CDC14B: variants seen among roughly 807,000 people sequenced by gnomAD.
CDC14B encodes dual specificity protein phosphatase CDC14B.
CDC14B carries 22 observed loss-of-function variants against 64.2 expected under a neutral mutation model. That is an observed-to-expected ratio of 0.34 (90% CI 0.24 to 0.49). The LOEUF is 0.49. CDC14B is among the 20% of genes least tolerant of loss of function. The pLI, the probability that CDC14B is intolerant of heterozygous loss-of-function variation, is 0.99. For missense variants in CDC14B, 498 were observed against 629.9 expected (o/e 0.79, Z 2.24); for synonymous variants, 191 against 215.8 (o/e 0.89, Z 1.01).
intron 1 of CDC14B, among the ~76,000 whole-genome samples, chr9:96,616,064 G>A (rs753076595): frequency 5.3e-5 from 8 of 152,172 alleles, no homozygotes; most frequent in African/African-American, 1.2e-4. Flanking sequence ...GGTGGCTCAC[G>A]CCTGTAACCC....
chr9:96,509,291 C>G (rs768845207), intron 13 of CDC14B, among the ~76,000 whole-genome samples: 1 of 152,206 alleles, frequency 6.6e-6, no homozygotes, highest in Non-Finnish European at 1.5e-5. Flanking sequence ...TTCAAACTCT[C>G]TGGTTATCTC....
chr9:96,562,938 T>C (rs1330164129), intron 3 of CDC14B, among the ~76,000 whole-genome samples, 153 bp from the exon 4 acceptor site: 1 of 152,124 alleles, frequency 6.6e-6, no homozygotes, highest in Non-Finnish European at 1.5e-5. Flanking sequence ...ACAAATACCA[T>C]ATATCTTCCC....
At chr9:96,498,620 C>G (rs1203026093), downstream of CDC14B, among the ~76,000 whole-genome samples, 1 of 152,218 alleles carries the variant, frequency 6.6e-6, no homozygotes, top group Admixed American at 6.5e-5. Context: ...CCAAAAATAT[C>G]AGAAACTGAG....
rs16911252 is a variant in CDC14B, at chr9:96,552,606, A to G, written c.421-734T>C. Among the ~76,000 whole-genome samples, 103 of 152,004 alleles carry G rather than the reference A, an allele frequency of 6.8e-4. No homozygotes were observed. The East Asian group carries it at 0.019, about 28-fold the overall frequency. ...AACGTTCTCATGTCTTCTCACTTCTAGTGTTACAGAAGTATTTTACTGATC... is the reference window on the plus strand; with the variant it reads ...AACGTTCTCATGTCTTCTCACTTCTGGTGTTACAGAAGTATTTTACTGATC... On this transcript the variant is annotated intron_variant, in intron 4 of 13. Coordinates refer to ENST00000375241, the MANE Select transcript of CDC14B (RefSeq NM_033331.4).
chr9:96,589,102 G>A (rs552661415), intron 1 of CDC14B, among the ~76,000 whole-genome samples: 16 of 152,182 alleles, frequency 1.1e-4, no homozygotes, highest in African/African-American at 3.6e-4. Context: ...TTGGGAGGCC[G>A]AGGCAGGTAG....
chr9:96,606,332 CAAA>C (rs772460843), intron 1 of CDC14B, among the ~76,000 whole-genome samples: 1 of 21,054 alleles, frequency 4.7e-5, no homozygotes. Flanking sequence ...GACTCCATCT[CAAA>C]AAAAAAAAAA....
At chr9:96,545,978 G>C (rs1441425612) in intron 5 of CDC14B, among the ~76,000 whole-genome samples, 1 of 152,156 alleles carries the variant, frequency 6.6e-6, no homozygotes, top group East Asian at 1.9e-4. Context: ...ATAAGCCTTG[G>C]GCAGTGGGGA....
At chr9:96,519,445 G>A (rs965771058) in intron 12 of CDC14B, among the ~76,000 whole-genome samples, 1 of 151,974 alleles carries the variant, frequency 6.6e-6, no homozygotes, top group Non-Finnish European at 1.5e-5. Context: ...ATTTATAAAA[G>A]AGAAACCGGC....
chr9:96,518,133 G>T (rs924745738), intron 12 of CDC14B, among the ~76,000 whole-genome samples: 1 of 152,202 alleles, frequency 6.6e-6, no homozygotes, highest in Non-Finnish European at 1.5e-5. Flanking sequence ...AGCATCTGCT[G>T]TGTGCAGAGT....
At chr9:96,591,537 C>G (rs1292959339) in intron 1 of CDC14B, among the ~76,000 whole-genome samples, 2 of 151,832 alleles carry the variant, frequency 1.3e-5, no homozygotes, top group Non-Finnish European at 2.9e-5. Flanking sequence ...TTTCTTTCCC[C>G]TTTTCAAGCT....
intron 1 of CDC14B, chr9:96,566,997 C>A: frequency 7.0e-7 from 1 of 1,422,070 alleles, no homozygotes; most frequent in Non-Finnish European, 9.2e-7. Flanking sequence ...CCCCGGAAGT[C>A]CCCAAGTCCT....
intron 1 of CDC14B, among the ~76,000 whole-genome samples, chr9:96,590,464 T>C (rs1845716380): frequency 6.6e-6 from 1 of 152,212 alleles, no homozygotes; most frequent in African/African-American, 2.4e-5. Context: ...AGTGTAAAAG[T>C]ACCACTGGGC....
chr9:96,557,536 T>C (rs765376823), intron 4 of CDC14B, among the ~76,000 whole-genome samples: 1 of 152,248 alleles, frequency 6.6e-6, no homozygotes, highest in Non-Finnish European at 1.5e-5. Flanking sequence ...ATTTAAAAAG[T>C]GGGACCACAG....
chr9:96,543,202 G>A (rs1257074624), intron 5 of CDC14B, among the ~76,000 whole-genome samples: 2 of 152,074 alleles, frequency 1.3e-5, no homozygotes, highest in Admixed American at 6.6e-5. Context: ...CGGGCGTGGT[G>A]GGGGGCACCT....
chr9:96,563,302 T>C (rs1478426168), intron 3 of CDC14B, among the ~76,000 whole-genome samples: 1 of 152,148 alleles, frequency 6.6e-6, no homozygotes, highest in Non-Finnish European at 1.5e-5. Context: ...TATATTCCAT[T>C]AGTGAAAGTT....
At chr9:96,553,720 AT>A (rs957941972) in intron 4 of CDC14B, among the ~76,000 whole-genome samples, 8 of 152,180 alleles carry the variant, frequency 5.3e-5, no homozygotes, top group Admixed American at 5.2e-4. Context: ...ATTTAAAAAA[AT>A]CAGCCTGTTT....
At position 96,493,562 on chromosome 9, in the gene CDC14B, A is replaced by G. The variant is rs16910940; in HGVS notation, c.*81-310T>C. Among the ~76,000 whole-genome samples, 664 of 152,368 alleles carry G rather than the reference A, an allele frequency of 4.4e-3. 7 individuals are homozygous for G. Among genetic ancestry groups the G allele is most frequent in the African/African-American group, 0.015 (641 of 41,586 alleles). On this transcript the variant is annotated intron_variant and NMD_transcript_variant, in intron 13 of 13. Transcript: ENST00000474602. ...ATAAAAGTGCAAAACTAGACTGGGC[A>G]TGGTGGCCCACACCTGTAATACTTT...
At chr9:96,494,928 G>A (rs1011843647) in intron 13 of CDC14B, among the ~76,000 whole-genome samples, 10 of 148,900 alleles carry the variant, frequency 6.7e-5, no homozygotes, top group South Asian at 2.3e-4. Flanking sequence ...TCTGTCTCCC[G>A]GGTTCATGCC....
intron 1 of CDC14B, among the ~76,000 whole-genome samples, chr9:96,569,197 C>G (rs965609094): frequency 6.6e-6 from 1 of 152,180 alleles, no homozygotes; most frequent in African/African-American, 2.4e-5. Flanking sequence ...AAAAAGTCAA[C>G]TTGCAGGCTA....
Sources: gnomAD v4.1 joint callset for allele counts (sites outside exome capture counted in the v4.1 genomes callset) on GRCh38, gnomAD v4.1.1 for gene constraint, MANE v1.5 for transcripts, NCBI Gene and HGNC (gene_info 2026-07-23, HGNC 2026-07-21) for gene names.